Variants in ARHGEF3 observed in about 807,000 individuals in gnomAD.
ARHGEF3 encodes the protein Rho guanine nucleotide exchange factor 3.
In ARHGEF3, 28 loss-of-function variants were observed where a neutral mutation model predicts 63.2. The observed-to-expected ratio is 0.44, with a 90% CI of 0.33 to 0.61. ARHGEF3 has a LOEUF of 0.61. ARHGEF3 is among the 20% of genes least tolerant of loss of function. The pLI is 0.03. For synonymous variants in ARHGEF3, 266 were observed against 254.2 expected, an observed-to-expected ratio of 1.05 and a Z score of -0.44; for missense variants, 533 against 659.3, an observed-to-expected ratio of 0.81 and a Z score of 2.10.
At chr3:56,969,635 G>C (rs987927019) in intron 2 of ARHGEF3, among the ~76,000 whole-genome samples, 2 of 151,798 alleles carry the variant, frequency 1.3e-5, no homozygotes, top group African/African-American at 4.8e-5. Flanking sequence ...GCTGAGCATG[G>C]TGGCTCATGC....
chr3:56,894,826 G>T (rs1334584615), intron 3 of ARHGEF3, among the ~76,000 whole-genome samples: 12 of 152,158 alleles, frequency 7.9e-5, no homozygotes, highest in Admixed American at 7.9e-4. Context: ...TGGATTAAAT[G>T]CTGGATAAAC....
At chr3:57,025,758 T>G (rs1263244508) in intron 2 of ARHGEF3, among the ~76,000 whole-genome samples, 1 of 152,172 alleles carries the variant, frequency 6.6e-6, no homozygotes, top group East Asian at 1.9e-4. Context: ...GGGCACGGAC[T>G]CTATTAGATT....
intron 2 of ARHGEF3, among the ~76,000 whole-genome samples, chr3:57,019,152 C>T (rs193126477): frequency 6.6e-6 from 1 of 152,258 alleles, no homozygotes; most frequent in African/African-American, 2.4e-5. Context: ...TGAACTGTGA[C>T]AAATCACTTA....
At chr3:56,798,345 G>A (rs1227363203) in intron 1 of ARHGEF3, among the ~76,000 whole-genome samples, 1 of 152,166 alleles carries the variant, frequency 6.6e-6, no homozygotes, top group African/African-American at 2.4e-5. Context: ...ATCTAAGATG[G>A]TAAATTTTAA....
intron 3 of ARHGEF3, among the ~76,000 whole-genome samples, chr3:56,897,104 T>C (rs1357846617): frequency 6.6e-6 from 1 of 152,226 alleles, no homozygotes. Flanking sequence ...GGAAGAGCTT[T>C]CCATTCTCCA....
chr3:57,025,412 C>T (rs1325823456), intron 2 of ARHGEF3, among the ~76,000 whole-genome samples: 1 of 152,210 alleles, frequency 6.6e-6, no homozygotes, highest in Non-Finnish European at 1.5e-5. Context: ...GGAAACTGCA[C>T]TCAGAGGAGT....
chr3:56,968,278 A>T (rs1477121068), intron 2 of ARHGEF3, among the ~76,000 whole-genome samples: 2 of 27,074 alleles, frequency 7.4e-5, no homozygotes, highest in African/African-American at 9.4e-5. Flanking sequence ...TAATATATAA[A>T]ATATATATAA....
chr3:57,043,100 C>T (rs1165562355), intron 1 of ARHGEF3, among the ~76,000 whole-genome samples: 1 of 151,770 alleles, frequency 6.6e-6, no homozygotes, highest in African/African-American at 2.4e-5. Flanking sequence ...AGACAGGCTT[C>T]AGTTATATCT....
rs771457993 is a variant in ARHGEF3, at chr3:57,046,309, G to A, written c.-27-11133C>T. Among the ~76,000 whole-genome samples the A allele has an allele frequency of 9.2e-5, 14 of 152,308 alleles. No individual in the cohort carries two copies. In the East Asian group the frequency reaches 2.7e-3, roughly 29 times the overall value. On this transcript the variant is annotated intron_variant, in intron 1 of 12. Transcript: ENST00000338458. ...CAGCAGTTGGAACCGGACAATAGGG[G>A]TTGAACAGCTGGGTCTGTCTGACTC...
At chr3:56,894,806 T>C (rs1203981211) in intron 3 of ARHGEF3, among the ~76,000 whole-genome samples, 2 of 152,172 alleles carry the variant, frequency 1.3e-5, no homozygotes, top group African/African-American at 4.8e-5. Context: ...AACACTGATT[T>C]CCTGGGAAAT....
chr3:56,732,528 T>A, intron 8 of ARHGEF3, 104 bp from the exon 9 acceptor site: 1 of 1,332,450 alleles, frequency 7.5e-7, no homozygotes, highest in Non-Finnish European at 1.1e-6. Context: ...AGGTTCACAC[T>A]GGATTATGAA....
chr3:57,018,847 A>G (rs1367397059), intron 2 of ARHGEF3, among the ~76,000 whole-genome samples: 4 of 152,210 alleles, frequency 2.6e-5, no homozygotes, highest in African/African-American at 9.6e-5. Context: ...AGATGAAGAC[A>G]TCGAGCTTCA....
At chr3:57,074,317 C>A in intron 1 of ARHGEF3, 1 of 1,528,148 alleles carries the variant, frequency 6.5e-7, no homozygotes, top group South Asian at 1.2e-5. Flanking sequence ...TTTGTCTGGG[C>A]CTTTGCACAT....
intron 9 of ARHGEF3, among the ~76,000 whole-genome samples, chr3:56,731,242 A>T (rs1274631929): frequency 6.6e-6 from 1 of 152,192 alleles, no homozygotes; most frequent in East Asian, 1.9e-4. Flanking sequence ...ATCTCATTTA[A>T]AACAGACCTC....
intron 2 of ARHGEF3, among the ~76,000 whole-genome samples, chr3:56,766,413 A>G (rs1432224418): frequency 3.9e-5 from 6 of 152,184 alleles, no homozygotes; most frequent in Non-Finnish European, 8.8e-5. Context: ...GGGGGAGGGG[A>G]CACATATTCT....
chr3:56,951,412 A>G (rs1210399039), intron 3 of ARHGEF3, among the ~76,000 whole-genome samples: 1 of 152,008 alleles, frequency 6.6e-6, no homozygotes, highest in African/African-American at 2.4e-5. Context: ...GCATTGAAGT[A>G]TTTTTAAATT....
chr3:56,858,493 T>C (rs2039960895), intron 4 of ARHGEF3, among the ~76,000 whole-genome samples: 1 of 152,194 alleles, frequency 6.6e-6, no homozygotes, highest in Admixed American at 6.6e-5. Flanking sequence ...CTAGAGATTA[T>C]AACAATTGAC....
rs186575837 is a variant in ARHGEF3 at position 57,042,740 on chromosome 3, A to G, written c.-27-7564T>C. On this transcript the variant is annotated intron_variant, in intron 1 of 12. Transcript: ENST00000338458. Reference sequence around the variant, plus strand: ...TAGACGGAGTCTCGCTCTGTCGCCCAGACTGGAGTACAGTGGCGTGATCTC... The same window carrying G: ...TAGACGGAGTCTCGCTCTGTCGCCCGGACTGGAGTACAGTGGCGTGATCTC... Among the ~76,000 whole-genome samples, 121 of 131,376 alleles carry G rather than the reference A, an allele frequency of 9.2e-4. 4 individuals are homozygous for G. The East Asian group carries it at 0.024, about 26-fold the overall frequency. The allele number at this position is 131,376 out of a possible 152,430, so 86.2% of individuals were successfully genotyped here.
At chr3:56,978,611 A>T (rs1179324542) in intron 2 of ARHGEF3, among the ~76,000 whole-genome samples, 1 of 152,240 alleles carries the variant, frequency 6.6e-6, no homozygotes, top group African/African-American at 2.4e-5. Flanking sequence ...AAATGCAAGA[A>T]AGAATGTGGA....
Sources: gnomAD v4.1 joint callset for allele counts (sites outside exome capture counted in the v4.1 genomes callset) on GRCh38, gnomAD v4.1.1 for gene constraint, MANE v1.5 for transcripts, NCBI Gene and HGNC (gene_info 2026-07-23, HGNC 2026-07-21) for gene names.